Variants in RIGI observed in about 807,000 individuals in gnomAD.
RIGI encodes antiviral innate immune response receptor RIG-I.
chr9:32,491,085 G>GAA, the RIGI span, among the ~76,000 whole-genome samples: 2 of 152,108 alleles, frequency 1.3e-5, no homozygotes, highest in Non-Finnish European at 2.9e-5. Context: ...AGAAAAAAAA[G>GAA]ATAGTAAAAG....
the RIGI span, among the ~76,000 whole-genome samples, chr9:32,463,683 GCAT>G: frequency 6.6e-6 from 1 of 151,768 alleles, no homozygotes; most frequent in African/African-American, 2.4e-5. Context: ...TAAGTCTATG[GCAT>G]ACTGACCTTC....
chr9:32,497,672 A>G, the RIGI span, among the ~76,000 whole-genome samples: 17 of 152,342 alleles, frequency 1.1e-4, no homozygotes, highest in African/African-American at 2.9e-4. Flanking sequence ...GCATGAACCC[A>G]GGAGGCGGAG....
the RIGI span, among the ~76,000 whole-genome samples, chr9:32,473,977 G>A: frequency 1.4e-4 from 22 of 152,262 alleles, no homozygotes; most frequent in South Asian, 6.2e-4. Context: ...GCAGTGAGCC[G>A]AGGTTGTGCC....
chr9:32,499,250 A>G, the RIGI span, among the ~76,000 whole-genome samples: 1 of 132,488 alleles, frequency 7.5e-6, no homozygotes, highest in Admixed American at 7.7e-5. Context: ...TTTTTAATAT[A>G]TTCTAGATTC....
chr9:32,478,047 G>T, the RIGI span, among the ~76,000 whole-genome samples: 3,198 of 151,104 alleles, frequency 0.021, 150 homozygotes, highest in African/African-American at 0.076. Flanking sequence ...ATCGGTTTTT[G>T]TTTTTGTTTT....
the RIGI span, among the ~76,000 whole-genome samples, chr9:32,524,596 G>GTTTCTT: frequency 1.5e-5 from 1 of 67,580 alleles, no homozygotes; most frequent in Non-Finnish European, 2.8e-5. Flanking sequence ...TTGTTTTTCG[G>GTTTCTT]TTTTTTTTTT....
chr9:32,458,104 T>A, the RIGI span, among the ~76,000 whole-genome samples: 2 of 152,204 alleles, frequency 1.3e-5, no homozygotes, highest in African/African-American at 4.8e-5. Flanking sequence ...TTCTGCTTTC[T>A]GAAGACGAAC....
At chr9:32,515,707 C>CT in the RIGI span, among the ~76,000 whole-genome samples, 1 of 152,296 alleles carries the variant, frequency 6.6e-6, no homozygotes, top group African/African-American at 2.4e-5. Context: ...CATCTTATAC[C>CT]TTTACCTTCA....
the RIGI span, among the ~76,000 whole-genome samples, chr9:32,467,113 C>T: frequency 6.6e-6 from 1 of 152,044 alleles, no homozygotes; most frequent in Admixed American, 6.6e-5. Context: ...TGAAGAGTAG[C>T]AGTATCTGAG....
chr9:32,515,339 C>T, the RIGI span, among the ~76,000 whole-genome samples: 1 of 100,810 alleles, frequency 9.9e-6, no homozygotes, highest in African/African-American at 3.2e-5. Flanking sequence ...AAAAAAGCCA[C>T]ACGTTTGTTT....
the RIGI span, among the ~76,000 whole-genome samples, chr9:32,502,853 T>A: frequency 6.6e-6 from 1 of 152,228 alleles, no homozygotes; most frequent in Non-Finnish European, 1.5e-5. Context: ...TGTCTTCACA[T>A]GGCTGTTTTC....
chr9:32,512,319 A>G, the RIGI span, among the ~76,000 whole-genome samples: 50 of 152,346 alleles, frequency 3.3e-4, no homozygotes, highest in African/African-American at 1.2e-3. Flanking sequence ...AAAATCCTCA[A>G]TAAAATACTG....
the RIGI span, among the ~76,000 whole-genome samples, chr9:32,468,899 C>A: frequency 1.3e-5 from 2 of 152,180 alleles, no homozygotes; most frequent in Admixed American, 1.3e-4. Flanking sequence ...GCTCACCAAT[C>A]TTGTTTCTTT....
the RIGI span, among the ~76,000 whole-genome samples, chr9:32,499,312 ATTTG>A: frequency 2.9e-3 from 94 of 32,352 alleles, 1 homozygote; most frequent in African/African-American, 0.012. Context: ...AGAGTTTGTG[ATTTG>A]TTTTTTTTTT....
the RIGI span, chr9:32,459,647 G>T: frequency 1.2e-6 from 1 of 851,562 alleles, no homozygotes; most frequent in East Asian, 3.0e-5. Context: ...ATGAACATAT[G>T]GTACCTGACT....
the RIGI span, chr9:32,467,903 A>G: frequency 4.3e-6 from 7 of 1,610,718 alleles, no homozygotes; most frequent in Non-Finnish European, 5.9e-6. Context: ...AATGCATCCA[A>G]TATACACTTC....
the RIGI span, chr9:32,485,202 G>A: frequency 6.2e-7 from 1 of 1,606,944 alleles, no homozygotes; most frequent in African/African-American, 1.3e-5. Context: ...CTCTTTGCCA[G>A]ACTCTCTGTG....
chr9:32,479,723 G>T, the RIGI span, among the ~76,000 whole-genome samples: 5 of 151,750 alleles, frequency 3.3e-5, no homozygotes, highest in Non-Finnish European at 5.9e-5. Context: ...TGCAGTCCTG[G>T]CTACTCGGGA....
the RIGI span, among the ~76,000 whole-genome samples, chr9:32,468,193 T>C: frequency 1.3e-5 from 2 of 152,262 alleles, no homozygotes; most frequent in African/African-American, 2.4e-5. Context: ...ACTAGTTGTA[T>C]GGCTTTAGCC....
Sources: gnomAD v4.1 joint callset for allele counts (sites outside exome capture counted in the v4.1 genomes callset) on GRCh38, gnomAD v4.1.1 for gene constraint, MANE v1.5 for transcripts, NCBI Gene and HGNC (gene_info 2026-07-23, HGNC 2026-07-21) for gene names.